WWOX: variants seen among roughly 807,000 people sequenced by gnomAD.
WWOX encodes WW domain containing oxidoreductase, also known as WW domain-containing oxidoreductase.
Under a neutral mutation model 46.2 loss-of-function variants are expected in WWOX, and 69 were observed. The ratio of observed to expected loss-of-function variants is 1.49; its 90% CI spans 1.23 to 1.82. The LOEUF (loss-of-function observed/expected upper bound fraction) is 1.82. Ranked by LOEUF, WWOX falls within the 40% of genes most tolerant of loss-of-function variation. WWOX has a pLI of 0.00. For synonymous variants in WWOX, 359 were observed against 202.6 expected (o/e 1.77, Z -6.56); for missense variants, 919 against 542.6 (o/e 1.69, Z -6.89).
intron 8 of WWOX, chr16:79,203,010 T>C (rs779701458): frequency 1.3e-5 from 2 of 152,228 alleles, no homozygotes; most frequent in African/African-American, 2.4e-5. Context: ...TTCTAGTCTA[T>C]TGGCATCAAG....
At chr16:78,368,420 A>G (rs72796015) in intron 5 of WWOX, among the ~76,000 whole-genome samples, 8,038 of 152,256 alleles carry the variant, frequency 0.053, 280 homozygotes, top group East Asian at 0.12. Flanking sequence ...TCATAAAGTC[A>G]CTGCTGTCCT....
intron 8 of WWOX, among the ~76,000 whole-genome samples, chr16:79,015,438 G>A (rs193222218): frequency 2.0e-5 from 3 of 152,300 alleles, no homozygotes; most frequent in Admixed American, 2.0e-4. Context: ...GTGATGGTGA[G>A]GATTTAAGAG....
Position 78,329,540 on chromosome 16 carries a change from G to A in WWOX, c.517-57320G>A, listed in dbSNP as rs550626237. On this transcript the variant is annotated intron_variant, in intron 5 of 8. Transcript: ENST00000566780. ...GGGTAGGTGTGTGACTGTGGCCTAT[G>A]AGGCCAAGTTGCAAGGTCTTTGGAT... Among the ~76,000 whole-genome samples, 7 of 152,276 alleles carry A rather than the reference G, an allele frequency of 4.6e-5. No individual in the cohort carries two copies. In the East Asian group the frequency reaches 7.7e-4, roughly 17 times the overall value.
At chr16:78,823,304 A>G (rs1486865846) in intron 8 of WWOX, among the ~76,000 whole-genome samples, 1 of 152,204 alleles carries the variant, frequency 6.6e-6, no homozygotes, top group East Asian at 1.9e-4. Flanking sequence ...GGCTGCAGGA[A>G]GAGAGGAGTT....
chr16:78,503,483 T>G (rs2085119030), intron 8 of WWOX, among the ~76,000 whole-genome samples: 1 of 152,246 alleles, frequency 6.6e-6, no homozygotes, highest in Non-Finnish European at 1.5e-5. Flanking sequence ...CAAGGTGATT[T>G]TGATAAACTA....
chr16:78,519,969 T>A (rs139370835), intron 8 of WWOX, among the ~76,000 whole-genome samples: 15 of 152,362 alleles, frequency 9.8e-5, no homozygotes, highest in Non-Finnish European at 2.1e-4. Flanking sequence ...CATGGAATCA[T>A]TCTACGCATG....
intron 8 of WWOX, among the ~76,000 whole-genome samples, chr16:78,648,824 C>T (rs2046903052): frequency 6.6e-6 from 1 of 152,186 alleles, no homozygotes; most frequent in South Asian, 2.1e-4. Flanking sequence ...TGCCTGGCTG[C>T]AGGAAGTTCT....
At chr16:78,812,681 G>T (rs2051221656) in intron 8 of WWOX, among the ~76,000 whole-genome samples, 1 of 152,014 alleles carries the variant, frequency 6.6e-6, no homozygotes, top group South Asian at 2.1e-4. Context: ...AGCCAAGATA[G>T]TGCCACTGCA....
At position 78,149,621 on chromosome 16, in the gene WWOX, G is replaced by A. The variant is rs116447562; in HGVS notation, c.410-14562G>A. Among the ~76,000 whole-genome samples, 325 of 152,272 alleles carry A rather than the reference G, an allele frequency of 2.1e-3. 2 individuals carry two copies. Among genetic ancestry groups the A allele is most frequent in the African/African-American group, 6.3e-3 (261 of 41,560 alleles). The stretch of plus-strand genomic sequence containing the variant: ...GCTGTTGATGAAACAGGTGGTATTT[G>A]GACCACTTCTCCCTCTTTCCGGACA... On this transcript the variant is annotated intron_variant, in intron 4 of 8. Coordinates refer to ENST00000566780, the MANE Select transcript of WWOX (RefSeq NM_016373.4).
At position 78,907,667 on chromosome 16, in the gene WWOX, A is replaced by C. The variant is rs186506438; in HGVS notation, c.1057-303941A>C. 4.5e-4 allele frequency among the ~76,000 whole-genome samples: 69 copies of C among 152,342 alleles called. 1 individual carries two copies. The East Asian group carries it at 0.012, about 26-fold the overall frequency. On this transcript the variant is annotated intron_variant, in intron 8 of 8. Coordinates refer to ENST00000566780, the MANE Select transcript of WWOX (RefSeq NM_016373.4). ...TTTCTTACTCTTACAATTTTTGCAA[A>C]GGCAGTTTTAATAACTGCTATTTAG...
intron 8 of WWOX, among the ~76,000 whole-genome samples, chr16:78,632,433 G>A (rs1047159876): frequency 6.6e-6 from 1 of 151,918 alleles, no homozygotes; most frequent in African/African-American, 2.4e-5. Flanking sequence ...TAACGTCGCA[G>A]ATGTTATTTT....
chr16:78,548,547 T>C (rs2151539316), intron 8 of WWOX, among the ~76,000 whole-genome samples: 1 of 152,332 alleles, frequency 6.6e-6, no homozygotes, highest in South Asian at 2.1e-4. Context: ...CCTCATTGGA[T>C]GAATCATATT....
intron 8 of WWOX, among the ~76,000 whole-genome samples, chr16:79,044,891 G>A (rs368434396): frequency 2.0e-4 from 30 of 152,258 alleles, no homozygotes; most frequent in Non-Finnish European, 3.1e-4. Flanking sequence ...ATCCTCCCCT[G>A]TGTAGAATGA....
intron 8 of WWOX, chr16:78,873,570 TG>T (rs2044172324): frequency 6.6e-6 from 1 of 151,796 alleles, no homozygotes; most frequent in African/African-American, 2.4e-5. Flanking sequence ...GAGGATTAAT[TG>T]GGGCTAGGAG....
intron 8 of WWOX, among the ~76,000 whole-genome samples, chr16:78,794,291 C>G (rs187024305): frequency 3.3e-5 from 5 of 152,266 alleles, no homozygotes; most frequent in African/African-American, 1.2e-4. Flanking sequence ...TCCCAGCTTC[C>G]AGAACCATGA....
chr16:79,045,677 T>C (rs1373538739), intron 8 of WWOX, among the ~76,000 whole-genome samples: 1 of 151,584 alleles, frequency 6.6e-6, no homozygotes, highest in African/African-American at 2.4e-5. Context: ...ACTTACTAAC[T>C]GCATTGTGGG....
rs377664791 is a variant in WWOX at position 78,649,955 on chromosome 16, C to G, written c.1056+217203C>G. 6.6e-5 allele frequency among the ~76,000 whole-genome samples: 10 copies of G among 152,254 alleles called. No individual in the cohort carries two copies. In the East Asian group the frequency reaches 1.6e-3, roughly 24 times the overall value. On this transcript the variant is annotated intron_variant, in intron 8 of 8. Coordinates refer to ENST00000566780, the MANE Select transcript of WWOX (RefSeq NM_016373.4). ...CCCTGGCCACCATCTTGATTCATTT[C>G]TCTTATCTGTAATTCTATGGAGGGA...
At chr16:78,131,698 C>T (rs2033600242) in intron 4 of WWOX, among the ~76,000 whole-genome samples, 1 of 151,972 alleles carries the variant, frequency 6.6e-6, no homozygotes, top group Non-Finnish European at 1.5e-5. Flanking sequence ...TCTCCTGCCT[C>T]AGCCTCCTGA....
At chr16:78,905,739 G>T (rs373350018) in intron 8 of WWOX, among the ~76,000 whole-genome samples, 11 of 152,218 alleles carry the variant, frequency 7.2e-5, no homozygotes, top group African/African-American at 1.9e-4. Context: ...GATATGAGCC[G>T]ATCAAATGTG....
Sources: gnomAD v4.1 joint callset for allele counts (sites outside exome capture counted in the v4.1 genomes callset) on GRCh38, gnomAD v4.1.1 for gene constraint, MANE v1.5 for transcripts, NCBI Gene and HGNC (gene_info 2026-07-23, HGNC 2026-07-21) for gene names.